The following PRSS23 variants were observed in gnomAD, a reference collection of about 807,000 sequenced individuals.
The protein encoded by PRSS23 is protease, serine 23.
In PRSS23, 25 loss-of-function variants were observed where a neutral mutation model predicts 34.7. That is an observed-to-expected ratio of 0.72 (90% CI 0.53 to 1.01). The LOEUF (loss-of-function observed/expected upper bound fraction) is 1.01. PRSS23 is among the 50% of genes least tolerant of loss of function. The probability of loss-of-function intolerance (pLI) is 0.00; values close to 1 mark genes in which losing one functional copy is unlikely to be tolerated. For synonymous variants in PRSS23, 176 were observed against 186.6 expected (o/e 0.94, Z 0.46); for missense variants, 445 against 475.6 (o/e 0.94, Z 0.60).
chr11:86,826,982 T>C (rs12294463), intron 2 of PRSS23, among the ~76,000 whole-genome samples: 4,402 of 152,244 alleles, frequency 0.029, 233 homozygotes, highest in African/African-American at 0.1. Flanking sequence ...TGCCCAGCTT[T>C]GGTATCAGGA....
intron 1 of PRSS23, among the ~76,000 whole-genome samples, chr11:86,792,447 C>G (rs1947957500): frequency 6.6e-6 from 1 of 152,176 alleles, no homozygotes; most frequent in African/African-American, 2.4e-5. Flanking sequence ...TGTTTGTTCC[C>G]TCTACCCTGT....
In PRSS23 at chr11:86,886,366, A is replaced by G. The variant is rs887312387; in HGVS notation, c.206+62773A>G. Among the ~76,000 whole-genome samples the G allele has an allele frequency of 7.2e-5, 11 of 152,284 alleles. No individual in the cohort carries two copies. The South Asian group carries it at 1.7e-3, about 23-fold the overall frequency. ...TGATGGATCATTTGTAGGAGTATAA[A>G]GACCTCAGCTCCCTCCCTGCACTGC... is the stretch of plus-strand genomic sequence containing the variant. On this transcript the variant is annotated intron_variant, in intron 2 of 2. Coordinates refer to the PRSS23 transcript ENST00000533902.
chr11:86,808,045 C>G lies in PRSS23; in HGVS notation c.402C>G (p.Asp134Glu). 3 of 1,614,062 alleles carry G rather than the reference C, an allele frequency of 1.9e-6. No homozygotes were observed. Among genetic ancestry groups the G allele is most frequent in the Non-Finnish European group, 2.5e-6 (3 of 1,180,030 alleles). Residue 134 changes from aspartate to glutamate, a missense_variant, in exon 2 of 2, where the codon GAC (aspartate) becomes GAG (glutamate). Transcript: ENST00000280258. Reference protein sequence around the residue: ...SRRKRQIYGYDSRFSIFGKDF... With the variant: ...SRRKRQIYGYESRFSIFGKDF... ...GGAAGCGGCAGATTTATGGCTATGA[C>G]AGCAGGTTCAGCATTTTTGGGAAGG...
chr11:86,832,371 T>G (rs1487644423), intron 2 of PRSS23, among the ~76,000 whole-genome samples: 1 of 152,142 alleles, frequency 6.6e-6, no homozygotes, highest in South Asian at 2.1e-4. Flanking sequence ...ACTCCATGTG[T>G]GTACACTCTG....
At chr11:86,867,255 C>T (rs1948655464) in intron 2 of PRSS23, among the ~76,000 whole-genome samples, 1 of 152,204 alleles carries the variant, frequency 6.6e-6, no homozygotes, top group African/African-American at 2.4e-5. Flanking sequence ...CACAAGGCCT[C>T]CTTCTCCTTA....
At chr11:86,875,002 T>A (rs1175725580) in intron 2 of PRSS23, among the ~76,000 whole-genome samples, 1 of 152,152 alleles carries the variant, frequency 6.6e-6, no homozygotes, top group Non-Finnish European at 1.5e-5. Context: ...GTAGTTGGAT[T>A]TTTTCCTTAG....
At chr11:86,893,676 G>A (rs760692175) in intron 2 of PRSS23, among the ~76,000 whole-genome samples, 3 of 152,154 alleles carry the variant, frequency 2.0e-5, no homozygotes, top group African/African-American at 2.4e-5. Context: ...TACATGCATT[G>A]TATATTTTGT....
At position 86,952,408 on chromosome 11, in the gene PRSS23, T is replaced by A. The variant is rs144036448; in HGVS notation, c.*1123T>A. ...TGACTGAAAGACACATGCCGCCGCA[T>A]GGGCCAATGGGGATGTTGATCTTCT... On this transcript the variant is annotated 3_prime_UTR_variant, in exon 3 of 3. Transcript: ENST00000533902. 1 of 1,614,030 alleles carries A rather than the reference T, an allele frequency of 6.2e-7. No homozygotes were observed. The highest frequency in any genetic ancestry group is 1.3e-5 in the African/African-American group (1 of 74,928).
At chr11:86,833,509 A>G in intron 2 of PRSS23, 1 of 301,488 alleles carries the variant, frequency 3.3e-6, no homozygotes, top group African/African-American at 2.2e-5. Context: ...GCAAGATTTA[A>G]TAGAGTGAAG....
At chr11:86,874,123 G>C (rs1948706828) in intron 2 of PRSS23, among the ~76,000 whole-genome samples, 1 of 152,164 alleles carries the variant, frequency 6.6e-6, no homozygotes, top group African/African-American at 2.4e-5. Context: ...AAGAATAAAG[G>C]GGAAAGGTTG....
chr11:86,881,981 C>G (rs1289485801), intron 2 of PRSS23, among the ~76,000 whole-genome samples: 2 of 152,154 alleles, frequency 1.3e-5, no homozygotes, highest in Admixed American at 6.5e-5. Context: ...TGATGTGAAT[C>G]TTCTCTCTTT....
At chr11:86,827,109 A>T (rs1186520766) in intron 2 of PRSS23, among the ~76,000 whole-genome samples, 1 of 152,168 alleles carries the variant, frequency 6.6e-6, no homozygotes, top group Non-Finnish European at 1.5e-5. Flanking sequence ...TTCGGCTGTG[A>T]ATCCATCTGG....
chr11:86,833,907 T>C (rs1190798362), intron 2 of PRSS23, among the ~76,000 whole-genome samples: 1 of 152,138 alleles, frequency 6.6e-6, no homozygotes, highest in Non-Finnish European at 1.5e-5. Flanking sequence ...GTAGGGGTTG[T>C]GCAGTTGAGA....
intron 2 of PRSS23, among the ~76,000 whole-genome samples, chr11:86,828,852 G>A (rs1184895166): frequency 1.3e-5 from 2 of 152,202 alleles, no homozygotes; most frequent in East Asian, 3.8e-4. Flanking sequence ...TAGAGTTTCT[G>A]CCGAGAGATC....
intron 2 of PRSS23, among the ~76,000 whole-genome samples, chr11:86,886,399 C>A (rs560521007): frequency 6.6e-6 from 1 of 152,192 alleles, no homozygotes; most frequent in African/African-American, 2.4e-5. Flanking sequence ...TGCAACACAA[C>A]TCTGAAGTGC....
chr11:86,826,288 CTGTT>C (rs768582292), intron 2 of PRSS23, among the ~76,000 whole-genome samples: 154 of 151,796 alleles, frequency 1.0e-3, no homozygotes, highest in Middle Eastern at 6.8e-3. Flanking sequence ...ATTTGGCTCT[CTGTT>C]TGTCTGTTAT....
chr11:86,868,746 G>T (rs1948666700), intron 2 of PRSS23, among the ~76,000 whole-genome samples: 1 of 152,142 alleles, frequency 6.6e-6, no homozygotes, highest in Non-Finnish European at 1.5e-5. Flanking sequence ...GGGAAGCAAA[G>T]CACTTTGGAA....
At chr11:86,817,760 T>G (rs952835966) in intron 1 of PRSS23, among the ~76,000 whole-genome samples, 103 of 152,384 alleles carry the variant, frequency 6.8e-4, no homozygotes, top group African/African-American at 2.4e-3. Flanking sequence ...GTACCTGTAA[T>G]GTGCCAGACA....
intron 2 of PRSS23, chr11:86,833,246 C>G: frequency 6.4e-7 from 1 of 1,573,766 alleles, no homozygotes; most frequent in Non-Finnish European, 8.7e-7. Flanking sequence ...GAGGTGAAAC[C>G]GATGTCAGCC....
Sources: allele counts gnomAD v4.1 joint callset (sites outside exome capture counted in the v4.1 genomes callset), GRCh38; gene constraint gnomAD v4.1.1; transcripts MANE v1.5; gene names NCBI Gene and HGNC (gene_info 2026-07-23, HGNC 2026-07-21).